Variants in KCND2 observed in about 807,000 individuals in gnomAD.
KCND2 encodes A-type voltage-gated potassium channel KCND2.
A neutral mutation model predicts 54.4 loss-of-function variants in KCND2; 16 were observed. That is an observed-to-expected ratio of 0.29 (90% confidence interval 0.20 to 0.45). The LOEUF is 0.45. Among genes scored for constraint, KCND2 ranks in the 20% least tolerant of loss-of-function variants. The probability of loss-of-function intolerance (pLI) is 1.00; values close to 1 mark genes in which losing one functional copy is unlikely to be tolerated. For missense variants in KCND2, 486 were observed against 824.2 expected (o/e 0.59, Z 5.02); for synonymous variants, 317 against 310.7 (o/e 1.02, Z -0.21).
chr7:120,446,307 A>G (rs900385882), intron 1 of KCND2, among the ~76,000 whole-genome samples: 1 of 152,322 alleles, frequency 6.6e-6, no homozygotes, highest in Non-Finnish European at 1.5e-5. Flanking sequence ...TAAATAAATC[A>G]TATGCATCTT....
At chr7:120,586,386 C>CA (rs908723637) in intron 1 of KCND2, among the ~76,000 whole-genome samples, 9 of 150,690 alleles carry the variant, frequency 6.0e-5, no homozygotes, top group Non-Finnish European at 8.9e-5. Flanking sequence ...TGTCAAATGA[C>CA]AAAAAAAAAT....
intron 1 of KCND2, among the ~76,000 whole-genome samples, chr7:120,573,715 G>T (rs1792393805): frequency 6.6e-6 from 1 of 152,062 alleles, no homozygotes; most frequent in South Asian, 2.1e-4. Context: ...AAACCTAAAA[G>T]GGTGAATGTC....
intron 1 of KCND2, among the ~76,000 whole-genome samples, chr7:120,304,837 T>G (rs1799628358): frequency 6.6e-6 from 1 of 152,290 alleles, no homozygotes; most frequent in Non-Finnish European, 1.5e-5. Flanking sequence ...TTCTGGTGAT[T>G]CCTAAGAGAG....
intron 1 of KCND2, among the ~76,000 whole-genome samples, chr7:120,436,697 C>T (rs1801871086): frequency 6.6e-6 from 1 of 152,144 alleles, no homozygotes; most frequent in Non-Finnish European, 1.5e-5. Flanking sequence ...ACTGAGACTT[C>T]CTGCTCTGTG....
intron 1 of KCND2, among the ~76,000 whole-genome samples, chr7:120,517,754 G>T (rs1803217238): frequency 6.6e-6 from 1 of 152,044 alleles, no homozygotes; most frequent in South Asian, 2.1e-4. Context: ...AGGTATACAT[G>T]CATAACTTAT....
Position 120,523,688 on chromosome 7 carries a change from TAC to T in KCND2, c.1116-209202_1116-209201del, listed in dbSNP as rs1331055851. Among the ~76,000 whole-genome samples the T allele has an allele frequency of 2.5e-4, 34 of 136,526 alleles. No individual in the cohort carries two copies. In the East Asian group the frequency reaches 3.9e-3, roughly 16 times the overall value. 89.6% of individuals were successfully genotyped at this position (136,526 alleles called of 152,430 possible). ...GTCCACATATATTTATACACAGATA[TAC>T]ACACACACACACTCTGTGTGTGTGT... is the stretch of plus-strand genomic sequence containing the variant. On this transcript the variant is annotated intron_variant, in intron 1 of 5. Transcript: ENST00000331113.
At chr7:120,405,827 C>T (rs2116092833) in intron 1 of KCND2, among the ~76,000 whole-genome samples, 1 of 151,844 alleles carries the variant, frequency 6.6e-6, no homozygotes, top group Middle Eastern at 3.4e-3. Context: ...GTATTCAATA[C>T]ATTTTGTGGT....
intron 1 of KCND2, among the ~76,000 whole-genome samples, chr7:120,683,679 A>G (rs531609294): frequency 4.5e-4 from 69 of 152,326 alleles, no homozygotes; most frequent in African/African-American, 1.7e-3. Context: ...ATTTAAGGAT[A>G]GCAGTATACT....
intron 1 of KCND2, among the ~76,000 whole-genome samples, chr7:120,391,015 A>C (rs977996775): frequency 6.6e-6 from 1 of 152,040 alleles, no homozygotes; most frequent in Non-Finnish European, 1.5e-5. Context: ...CACATCATCT[A>C]GGTTTTAAGC....
chr7:120,315,891 G>A (rs73431906), intron 1 of KCND2, among the ~76,000 whole-genome samples: 3,219 of 151,652 alleles, frequency 0.021, 130 homozygotes, highest in African/African-American at 0.074. Context: ...AAAATTGAAG[G>A]TGATTGAATC....
At chr7:120,483,384 C>A (rs994231197) in intron 1 of KCND2, among the ~76,000 whole-genome samples, 1 of 152,146 alleles carries the variant, frequency 6.6e-6, no homozygotes, top group Non-Finnish European at 1.5e-5. Context: ...GAATGGGAAT[C>A]TGGGTCCCTC....
chr7:120,431,916 T>C (rs1801793739), intron 1 of KCND2, among the ~76,000 whole-genome samples: 1 of 152,058 alleles, frequency 6.6e-6, no homozygotes. Context: ...AAACCTTGGA[T>C]ATGTGTAGTA....
chr7:120,611,136 AAT>A (rs1276418758), intron 1 of KCND2, among the ~76,000 whole-genome samples: 1 of 152,210 alleles, frequency 6.6e-6, no homozygotes, highest in Non-Finnish European at 1.5e-5. Context: ...AAAGCTGGTA[AAT>A]AGACAAGTCT....
chr7:120,378,197 A>G (rs1046999581), intron 1 of KCND2, among the ~76,000 whole-genome samples: 4 of 151,938 alleles, frequency 2.6e-5, no homozygotes, highest in Non-Finnish European at 5.9e-5. Flanking sequence ...TTTAAAAGTA[A>G]TTCTATATGC....
intron 1 of KCND2, among the ~76,000 whole-genome samples, chr7:120,327,506 A>G (rs1306262939): frequency 1.3e-5 from 2 of 152,134 alleles, no homozygotes; most frequent in Non-Finnish European, 2.9e-5. Flanking sequence ...TTATTTCAAC[A>G]CTATAGACAA....
chr7:120,685,423 T>C (rs1792188159), intron 1 of KCND2, among the ~76,000 whole-genome samples: 1 of 152,092 alleles, frequency 6.6e-6, no homozygotes, highest in African/African-American at 2.4e-5. Context: ...TCTTATCAGA[T>C]TACAATGGAA....
chr7:120,573,025 T>C (rs1357487338), intron 1 of KCND2, among the ~76,000 whole-genome samples: 1 of 152,190 alleles, frequency 6.6e-6, no homozygotes, highest in African/African-American at 2.4e-5. Context: ...ATAAAATATA[T>C]TTGTTAGACC....
chr7:120,654,770 A>G (rs919107748), intron 1 of KCND2, among the ~76,000 whole-genome samples: 1 of 152,166 alleles, frequency 6.6e-6, no homozygotes, highest in Non-Finnish European at 1.5e-5. Flanking sequence ...TATGGAGTAC[A>G]TAATCATTAG....
At chr7:120,422,721 A>G (rs1441318322) in intron 1 of KCND2, among the ~76,000 whole-genome samples, 1 of 152,152 alleles carries the variant, frequency 6.6e-6, no homozygotes, top group Non-Finnish European at 1.5e-5. Flanking sequence ...CCCACAGCCC[A>G]GGCAGTGTGG....
Sources: gnomAD v4.1 joint callset for allele counts (sites outside exome capture counted in the v4.1 genomes callset) on GRCh38, gnomAD v4.1.1 for gene constraint, MANE v1.5 for transcripts, NCBI Gene and HGNC (gene_info 2026-07-23, HGNC 2026-07-21) for gene names.